The following GSE1 variants were observed in gnomAD, a reference collection of about 807,000 sequenced individuals.
The protein encoded by GSE1 is genetic suppressor element 1.
GSE1 carries 32 observed loss-of-function variants against 112.6 expected under a neutral mutation model. That is an observed-to-expected ratio of 0.28 (90% CI 0.21 to 0.38). The LOEUF (loss-of-function observed/expected upper bound fraction) is 0.38. GSE1 is among the 10% of genes least tolerant of loss of function. GSE1 has a pLI of 1.00. For missense variants in GSE1, 2,348 were observed against 1,699.2 expected (o/e 1.38, Z -6.71); for synonymous variants, 1,115 against 735.6 (o/e 1.52, Z -8.35).
At chr16:85,639,895 C>T (rs572880714) in intron 2 of GSE1, among the ~76,000 whole-genome samples, 12 of 151,550 alleles carry the variant, frequency 7.9e-5, no homozygotes, top group South Asian at 4.2e-4. Context: ...GGCGGAGGTA[C>T]GGGGAGCCTT....
intron 1 of GSE1, among the ~76,000 whole-genome samples, chr16:85,187,271 G>C (rs1290323635): frequency 6.6e-6 from 1 of 152,228 alleles, no homozygotes; most frequent in Non-Finnish European, 1.5e-5. Context: ...GGAATGCAGC[G>C]TCAGCAGCAG....
At chr16:85,535,162 C>T (rs1034440652) in intron 2 of GSE1, among the ~76,000 whole-genome samples, 3 of 152,218 alleles carry the variant, frequency 2.0e-5, no homozygotes, top group African/African-American at 7.2e-5. Flanking sequence ...GGCAGGGTCA[C>T]ACCAGCCTGG....
intron 2 of GSE1, among the ~76,000 whole-genome samples, chr16:85,400,512 T>C (rs1639114099): frequency 6.6e-6 from 1 of 151,714 alleles, no homozygotes; most frequent in African/African-American, 2.4e-5. Flanking sequence ...TGTGTGTCTG[T>C]GTGGTTGTGA....
chr16:85,400,250 TG>T (rs2048067747), intron 2 of GSE1, among the ~76,000 whole-genome samples: 2 of 1,034 alleles, frequency 1.9e-3, no homozygotes, highest in Admixed American at 0.019. Context: ...AGTGTAGGGT[TG>T]TGTGTGTGTG....
intron 1 of GSE1, among the ~76,000 whole-genome samples, chr16:85,209,131 G>C (rs1176957589): frequency 6.6e-6 from 1 of 152,150 alleles, no homozygotes; most frequent in Admixed American, 6.5e-5. Flanking sequence ...GGGGTTTGCC[G>C]TGTGTTTACT....
chr16:85,404,183 CGTT>C, intron 2 of GSE1, among the ~76,000 whole-genome samples: 1 of 69,712 alleles, frequency 1.4e-5, no homozygotes, highest in Admixed American at 1.2e-4. Context: ...TAATCCTCAC[CGTT>C]ACACTCAGGG....
At chr16:85,338,909 C>T (rs187743868) in intron 1 of GSE1, among the ~76,000 whole-genome samples, 7 of 152,304 alleles carry the variant, frequency 4.6e-5, no homozygotes, top group East Asian at 3.9e-4. Context: ...GGAATGAGCG[C>T]GTGTCTGCAG....
chr16:85,452,141 A>G (rs1354304977), intron 2 of GSE1, among the ~76,000 whole-genome samples: 1 of 152,030 alleles, frequency 6.6e-6, no homozygotes, highest in African/African-American at 2.4e-5. Context: ...AATGAAACGA[A>G]TGGGAGTGCT....
chr16:85,638,514 C>T (rs555375068), intron 2 of GSE1, among the ~76,000 whole-genome samples: 45 of 152,328 alleles, frequency 3.0e-4, no homozygotes, highest in South Asian at 1.9e-3. Flanking sequence ...GGCCGCTTTG[C>T]CTCTCTGAGC....
chr16:85,188,076 C>G (rs1471399871), intron 1 of GSE1, among the ~76,000 whole-genome samples: 1 of 152,186 alleles, frequency 6.6e-6, no homozygotes. Context: ...CAGGCCGTGG[C>G]CACTGTCATC....
At chr16:85,424,949 G>A (rs921093036) in intron 2 of GSE1, among the ~76,000 whole-genome samples, 2 of 152,238 alleles carry the variant, frequency 1.3e-5, no homozygotes, top group East Asian at 3.9e-4. Flanking sequence ...GGGCCTCTTC[G>A]GGTTGCAGGC....
intron 1 of GSE1, among the ~76,000 whole-genome samples, chr16:85,309,901 C>G (rs534987126): frequency 3.3e-4 from 50 of 152,312 alleles, no homozygotes; most frequent in Admixed American, 2.6e-3. Context: ...CCTTGCCACC[C>G]CCTCACGCCC....
intron 2 of GSE1, among the ~76,000 whole-genome samples, chr16:85,416,481 C>T (rs2048705564): frequency 6.6e-6 from 1 of 152,138 alleles, no homozygotes; most frequent in Admixed American, 6.5e-5. Context: ...GCTTTCTGCC[C>T]AGCTCCTTCC....
At chr16:85,572,018 GAACACATAGCACACACACACACGTAC>G (rs1186832125) in intron 1 of GSE1, among the ~76,000 whole-genome samples, 1 of 151,604 alleles carries the variant, frequency 6.6e-6, no homozygotes, top group Non-Finnish European at 1.5e-5. Flanking sequence ...TGCATACGTA[GAACACATAGCACACACACACACGTAC>G]AACACATACC....
chr16:85,425,285 A>G (rs928623792), intron 2 of GSE1, among the ~76,000 whole-genome samples: 14 of 60,596 alleles, frequency 2.3e-4, no homozygotes, highest in Non-Finnish European at 6.9e-4. Context: ...AGGACCCAGA[A>G]GGCAGGAGGG....
intron 1 of GSE1, among the ~76,000 whole-genome samples, chr16:85,297,173 CG>C (rs2045392108): frequency 1.3e-5 from 2 of 152,236 alleles, no homozygotes; most frequent in South Asian, 4.1e-4. Context: ...CAGGAGACGG[CG>C]CTTCCTCTTC....
rs200878888 is a variant in GSE1 at position 85,408,183 on chromosome 16, A to G, written c.2464+50540A>G. Among the ~76,000 whole-genome samples the G allele has an allele frequency of 1.8e-4, 5 of 27,436 alleles. 1 individual carries two copies. Among genetic ancestry groups the G allele is most frequent in the African/African-American group, 1.1e-3 (5 of 4,350 alleles). The allele number at this position is 27,436 out of a possible 152,430, so 18.0% of individuals were successfully genotyped here. On this transcript the variant is annotated intron_variant, in intron 2 of 2. Coordinates refer to the GSE1 transcript ENST00000637419. ...GGCCCCCCGGATAATCCTCACTGTTACACTCAGGCCCCCCTGGATAATACT... is the reference window on the plus strand; with the variant it reads ...GGCCCCCCGGATAATCCTCACTGTTGCACTCAGGCCCCCCTGGATAATACT...
At chr16:85,332,569 C>T (rs56341712) in intron 1 of GSE1, among the ~76,000 whole-genome samples, 9,273 of 152,222 alleles carry the variant, frequency 0.061, 331 homozygotes, top group Non-Finnish European at 0.078. Flanking sequence ...TGTGCCTCCC[C>T]CGACCCTCAG....
chr16:85,452,043 G>A (rs531486146), intron 2 of GSE1, among the ~76,000 whole-genome samples: 5 of 152,164 alleles, frequency 3.3e-5, no homozygotes, highest in African/African-American at 9.6e-5. Flanking sequence ...CCCAAGGTCC[G>A]TGTCTCGGTG....
Sources: allele counts gnomAD v4.1 joint callset (sites outside exome capture counted in the v4.1 genomes callset), GRCh38; gene constraint gnomAD v4.1.1; transcripts MANE v1.5; gene names NCBI Gene and HGNC (gene_info 2026-07-23, HGNC 2026-07-21).